The following MARCHF11 variants were observed in gnomAD, a reference collection of about 807,000 sequenced individuals.
MARCHF11 encodes the protein membrane associated ring-CH-type finger 11, also known as E3 ubiquitin-protein ligase MARCHF11.
A neutral mutation model predicts 37.3 loss-of-function variants in MARCHF11; 29 were observed. That is an observed-to-expected ratio of 0.78 (90% CI 0.58 to 1.06). The LOEUF is 1.06. MARCHF11 is among the 50% of genes least tolerant of loss of function. The probability of loss-of-function intolerance (pLI) is 0.00; values close to 1 mark genes in which losing one functional copy is unlikely to be tolerated. For synonymous variants in MARCHF11, 233 were observed against 228.0 expected, an observed-to-expected ratio of 1.02 and a Z score of -0.20; for missense variants, 482 against 533.4, an observed-to-expected ratio of 0.90 and a Z score of 0.95.
In MARCHF11 at chr5:16,120,967, G is replaced by T. The variant is rs545098195; in HGVS notation, c.694-29886C>A. Among the ~76,000 whole-genome samples, 378 of 152,332 alleles carry T rather than the reference G, an allele frequency of 2.5e-3. 3 individuals are homozygous for T. Among genetic ancestry groups the T allele is most frequent in the African/African-American group, 8.5e-3 (353 of 41,572 alleles). On this transcript the variant is annotated intron_variant, in intron 2 of 3. Transcript: ENST00000332432. ...AGGTTAGTGAGCTAAATAAATGGTG[G>T]TTGTTCTAAACCATTAACTTTGGGA...
intron 2 of MARCHF11, among the ~76,000 whole-genome samples, chr5:16,100,161 G>T (rs1346226885): frequency 1.3e-5 from 2 of 152,106 alleles, no homozygotes; most frequent in Non-Finnish European, 2.9e-5. Context: ...AAGGAGGAGA[G>T]AAATTTTCTT....
intron 3 of MARCHF11, among the ~76,000 whole-genome samples, chr5:16,072,793 C>G (rs1171036353): frequency 6.6e-6 from 1 of 152,004 alleles, no homozygotes; most frequent in Non-Finnish European, 1.5e-5. Flanking sequence ...GCTTCCCAGG[C>G]AAAGCTCTCA....
chr5:16,157,527 G>A (rs1737996901), intron 2 of MARCHF11, among the ~76,000 whole-genome samples: 1 of 151,832 alleles, frequency 6.6e-6, no homozygotes, highest in African/African-American at 2.4e-5. Flanking sequence ...AGAGAGCCCA[G>A]AAATGATACG....
chr5:16,105,303 G>A (rs1048705256), intron 2 of MARCHF11, among the ~76,000 whole-genome samples: 2 of 152,194 alleles, frequency 1.3e-5, no homozygotes, highest in African/African-American at 2.4e-5. Flanking sequence ...ATGGAGAAAG[G>A]GAGGGATAGC....
chr5:16,079,908 C>G (rs1462964898), intron 3 of MARCHF11, among the ~76,000 whole-genome samples: 2 of 152,134 alleles, frequency 1.3e-5, no homozygotes, highest in African/African-American at 4.8e-5. Flanking sequence ...GGGTGCTGGG[C>G]TCTCGTCTCT....
chr5:16,079,574 T>A (rs1186104554), intron 3 of MARCHF11, among the ~76,000 whole-genome samples: 2 of 152,204 alleles, frequency 1.3e-5, no homozygotes, highest in Non-Finnish European at 2.9e-5. Flanking sequence ...CATAGCCACA[T>A]GGCCTTGTGG....
At chr5:16,069,587 C>T (rs758756766) in intron 3 of MARCHF11, among the ~76,000 whole-genome samples, 2 of 151,932 alleles carry the variant, frequency 1.3e-5, no homozygotes, top group Middle Eastern at 3.4e-3. Context: ...AGGAGGTCAC[C>T]GCATTTACAT....
chr5:16,110,165 T>C (rs1274841922), intron 2 of MARCHF11, among the ~76,000 whole-genome samples: 3 of 152,224 alleles, frequency 2.0e-5, no homozygotes, highest in Non-Finnish European at 2.9e-5. Context: ...TTAAGGAATA[T>C]GTTTTTCTCT....
intron 2 of MARCHF11, among the ~76,000 whole-genome samples, chr5:16,129,786 A>G (rs1737484831): frequency 6.6e-6 from 1 of 152,196 alleles, no homozygotes; most frequent in African/African-American, 2.4e-5. Context: ...ATTTATTCCA[A>G]TAAGTTACAA....
chr5:16,071,493 C>T (rs1057364675), intron 3 of MARCHF11, among the ~76,000 whole-genome samples: 3 of 152,130 alleles, frequency 2.0e-5, no homozygotes, highest in Admixed American at 2.0e-4. Flanking sequence ...ATTGAATAAA[C>T]AGTTTTTAAT....
chr5:16,173,398 T>A (rs1266957022), intron 2 of MARCHF11, among the ~76,000 whole-genome samples: 1 of 152,224 alleles, frequency 6.6e-6, no homozygotes, highest in African/African-American at 2.4e-5. Context: ...CCTTGAATAG[T>A]GCTGTCCTGT....
intron 2 of MARCHF11, among the ~76,000 whole-genome samples, chr5:16,162,098 T>G (rs904847689): frequency 6.6e-6 from 1 of 152,050 alleles, no homozygotes; most frequent in Non-Finnish European, 1.5e-5. Context: ...CTTTGATAAT[T>G]CTATAAATTA....
At chr5:16,100,450 A>G (rs556772567) in intron 2 of MARCHF11, among the ~76,000 whole-genome samples, 140 of 152,330 alleles carry the variant, frequency 9.2e-4, no homozygotes, top group Non-Finnish European at 1.2e-3. Flanking sequence ...ATTCAATTCC[A>G]GGAGGAGGAA....
intron 2 of MARCHF11, among the ~76,000 whole-genome samples, chr5:16,133,551 T>A (rs951614530): frequency 1.3e-5 from 2 of 152,118 alleles, no homozygotes; most frequent in Non-Finnish European, 2.9e-5. Flanking sequence ...GCCACTGAGT[T>A]TTGGATCTTT....
At chr5:16,157,215 A>AAAGAC (rs3034890) in intron 2 of MARCHF11, among the ~76,000 whole-genome samples, 1 of 151,352 alleles carries the variant, frequency 6.6e-6, no homozygotes, top group South Asian at 2.1e-4. Flanking sequence ...GAGTAAATGA[A>AAAGAC]ATCCCGTGTT....
intron 2 of MARCHF11, among the ~76,000 whole-genome samples, chr5:16,152,781 T>G (rs1361788304): frequency 6.6e-6 from 1 of 152,060 alleles, no homozygotes; most frequent in Non-Finnish European, 1.5e-5. Context: ...TCTCACCACC[T>G]GCAGCTAGTT....
intron 3 of MARCHF11, among the ~76,000 whole-genome samples, chr5:16,084,738 C>G (rs1736666373): frequency 6.9e-6 from 1 of 144,736 alleles, no homozygotes; most frequent in African/African-American, 2.6e-5. Flanking sequence ...AGAGCATGAA[C>G]TTTCTGTAGA....
intron 2 of MARCHF11, among the ~76,000 whole-genome samples, chr5:16,176,580 A>C (rs1053998703): frequency 5.9e-5 from 9 of 152,146 alleles, no homozygotes; most frequent in Admixed American, 2.6e-4. Context: ...ACATATTTTC[A>C]TTTTGTGGTT....
chr5:16,158,860 C>T (rs931135210), intron 2 of MARCHF11, among the ~76,000 whole-genome samples: 5 of 151,814 alleles, frequency 3.3e-5, no homozygotes, highest in Admixed American at 2.0e-4. Flanking sequence ...CTCTTCTTCC[C>T]GCACCCCTCG....
Sources: gnomAD v4.1 joint callset for allele counts (sites outside exome capture counted in the v4.1 genomes callset) on GRCh38, gnomAD v4.1.1 for gene constraint, MANE v1.5 for transcripts, NCBI Gene and HGNC (gene_info 2026-07-23, HGNC 2026-07-21) for gene names.